CLASP1: variants seen among roughly 807,000 people sequenced by gnomAD.
CLASP1 encodes the protein CLIP-associating protein 1.
CLASP1 carries 38 observed loss-of-function variants against 192.3 expected under a neutral mutation model. That is an observed-to-expected ratio of 0.20 (90% CI 0.15 to 0.26). CLASP1 has a LOEUF of 0.26. Among genes scored for constraint, CLASP1 ranks in the 10% least tolerant of loss-of-function variants. The pLI is 1.00. For synonymous variants in CLASP1, 691 were observed against 712.8 expected, an observed-to-expected ratio of 0.97 and a Z score of 0.49; for missense variants, 1,433 against 1,932.5, an observed-to-expected ratio of 0.74 and a Z score of 4.85.
chr2:121,414,348 G>C (rs1369402816), intron 23 of CLASP1, among the ~76,000 whole-genome samples, 145 bp from the exon 24 acceptor site: 1 of 152,170 alleles, frequency 6.6e-6, no homozygotes, highest in East Asian at 1.9e-4. Flanking sequence ...GATATGAATG[G>C]ACAGCAAGTG....
At chr2:121,483,288 A>T (rs1278454656) in intron 8 of CLASP1, among the ~76,000 whole-genome samples, 1 of 152,188 alleles carries the variant, frequency 6.6e-6, no homozygotes, top group African/African-American at 2.4e-5. Flanking sequence ...CTCTCTGTGG[A>T]AACAGGATGA....
At chr2:121,420,805 C>G (rs1433992697) in intron 22 of CLASP1, among the ~76,000 whole-genome samples, 1 of 152,160 alleles carries the variant, frequency 6.6e-6, no homozygotes, top group East Asian at 1.9e-4. Flanking sequence ...CATCCCCTTC[C>G]TTAAATTCAT....
At chr2:121,529,796 T>C (rs1008729820) in intron 3 of CLASP1, among the ~76,000 whole-genome samples, 2 of 152,250 alleles carry the variant, frequency 1.3e-5, no homozygotes, top group East Asian at 1.9e-4. Flanking sequence ...CTTGGTTTTA[T>C]AGGATTTCTC....
chr2:121,428,408 G>A (rs1454275613), intron 20 of CLASP1, among the ~76,000 whole-genome samples: 2 of 152,116 alleles, frequency 1.3e-5, no homozygotes, highest in Non-Finnish European at 2.9e-5. Flanking sequence ...TTTTTTATTT[G>A]GCTTAATTTC....
chr2:121,343,048 G>C (rs2062981598), intron 39 of CLASP1, among the ~76,000 whole-genome samples: 1 of 152,122 alleles, frequency 6.6e-6, no homozygotes, highest in African/African-American at 2.4e-5. Context: ...CCCACTCCTG[G>C]ACCAGTCAAA....
At chr2:121,642,245 C>T (rs1423112077) in intron 1 of CLASP1, among the ~76,000 whole-genome samples, 3 of 150,838 alleles carry the variant, frequency 2.0e-5, no homozygotes, top group Non-Finnish European at 4.4e-5. Flanking sequence ...TAGTGGGACC[C>T]TGTCTCTACA....
At chr2:121,343,163 C>A (rs2062997005) in intron 39 of CLASP1, among the ~76,000 whole-genome samples, 1 of 152,140 alleles carries the variant, frequency 6.6e-6, no homozygotes, top group Non-Finnish European at 1.5e-5. Flanking sequence ...ATGAGATACC[C>A]ATCCTCATCT....
intron 19 of CLASP1, among the ~76,000 whole-genome samples, chr2:121,443,743 G>A (rs1215527154): frequency 6.6e-6 from 1 of 152,144 alleles, no homozygotes. Context: ...TCTTCAGGGT[G>A]AAGGACCTAA....
intron 7 of CLASP1, among the ~76,000 whole-genome samples, chr2:121,511,836 T>G (rs1054038926): frequency 6.6e-6 from 1 of 152,174 alleles, no homozygotes; most frequent in African/African-American, 2.4e-5. Flanking sequence ...TCTCTGTGTG[T>G]ACAAATAACT....
At chr2:121,618,687 T>C (rs893566447) in intron 1 of CLASP1, among the ~76,000 whole-genome samples, 7 of 152,152 alleles carry the variant, frequency 4.6e-5, no homozygotes, top group African/African-American at 1.4e-4. Flanking sequence ...AAAAATAATA[T>C]AAAAAGTGTT....
At chr2:121,408,814 A>T (rs1463371984) in intron 24 of CLASP1, among the ~76,000 whole-genome samples, 3 of 152,242 alleles carry the variant, frequency 2.0e-5, no homozygotes, top group African/African-American at 7.2e-5. Flanking sequence ...TGACATTCAA[A>T]ATAAATACTA....
chr2:121,429,933 A>G, intron 20 of CLASP1, 140 bp downstream of exon 20: 1 of 621,484 alleles, frequency 1.6e-6, no homozygotes, highest in Non-Finnish European at 2.8e-6. Context: ...AACAAACAGT[A>G]AGATTACTCA....
At chr2:121,372,609 C>G (rs1207931967) in intron 34 of CLASP1, among the ~76,000 whole-genome samples, 1 of 152,226 alleles carries the variant, frequency 6.6e-6, no homozygotes, top group African/African-American at 2.4e-5. Flanking sequence ...CTGAATTGCA[C>G]TAGCATTTGC....
At chr2:121,531,362 G>A (rs1357463035) in intron 2 of CLASP1, among the ~76,000 whole-genome samples, 3 of 152,280 alleles carry the variant, frequency 2.0e-5, no homozygotes, top group African/African-American at 7.2e-5. Flanking sequence ...TTGGGAGGCC[G>A]AGGGGGGCGG....
chr2:121,558,473 G>C (rs2058775647), intron 2 of CLASP1, among the ~76,000 whole-genome samples: 1 of 152,176 alleles, frequency 6.6e-6, no homozygotes, highest in Admixed American at 6.5e-5. Flanking sequence ...GTGTCATGAG[G>C]GCTCTGTCTT....
At chr2:121,364,594 C>G (rs1335847973) in intron 36 of CLASP1, 1 of 158,966 alleles carries the variant, frequency 6.3e-6, no homozygotes, top group Non-Finnish European at 1.4e-5. Flanking sequence ...ATACAAAAAT[C>G]AGAATCATGC....
At chr2:121,630,419 CACACACGCAG>C (rs1414422599) in intron 1 of CLASP1, among the ~76,000 whole-genome samples, 1 of 151,226 alleles carries the variant, frequency 6.6e-6, no homozygotes, top group Non-Finnish European at 1.5e-5. Context: ...CACACACACA[CACACACGCAG>C]AAGCAATTAT....
chr2:121,500,860 T>C (rs2150233752), intron 8 of CLASP1, among the ~76,000 whole-genome samples: 1 of 152,372 alleles, frequency 6.6e-6, no homozygotes, highest in South Asian at 2.1e-4. Flanking sequence ...TTGCTATTTT[T>C]AGCATAGATG....
intron 2 of CLASP1, among the ~76,000 whole-genome samples, chr2:121,577,643 T>C (rs1224808708): frequency 6.6e-6 from 1 of 152,206 alleles, no homozygotes; most frequent in Non-Finnish European, 1.5e-5. Flanking sequence ...CGTAATTCTT[T>C]GGGAGGCAAC....
Sources: allele counts gnomAD v4.1 joint callset (sites outside exome capture counted in the v4.1 genomes callset), GRCh38; gene constraint gnomAD v4.1.1; transcripts MANE v1.5; gene names NCBI Gene and HGNC (gene_info 2026-07-23, HGNC 2026-07-21).